The following TAFA1 variants were observed in gnomAD, a reference collection of about 807,000 sequenced individuals.
TAFA1 encodes the protein TAFA chemokine like family member 1, also known as chemokine-like protein TAFA-1.
TAFA1 carries 4 observed loss-of-function variants against 18.5 expected under a neutral mutation model. That is an observed-to-expected ratio of 0.22 (90% confidence interval 0.11 to 0.49). TAFA1 has a LOEUF of 0.49. Among genes scored for constraint, TAFA1 ranks in the 20% least tolerant of loss-of-function variants. The pLI is 0.98. For missense variants in TAFA1, 147 were observed against 169.0 expected (o/e 0.87, Z 0.72); for synonymous variants, 56 against 55.2 (o/e 1.01, Z -0.06).
chr3:68,420,674 T>C (rs541306057), intron 3 of TAFA1, among the ~76,000 whole-genome samples: 1 of 152,280 alleles, frequency 6.6e-6, no homozygotes, highest in South Asian at 2.1e-4. Context: ...CTGCTACTGA[T>C]ACCTAGTGGG....
intron 2 of TAFA1, among the ~76,000 whole-genome samples, chr3:68,369,626 A>G (rs982229935): frequency 6.6e-6 from 1 of 152,158 alleles, no homozygotes; most frequent in African/African-American, 2.4e-5. Flanking sequence ...CCCTTAGCCA[A>G]TTCCATTTTA....
intron 2 of TAFA1, among the ~76,000 whole-genome samples, chr3:68,123,670 C>T (rs2065427995): frequency 6.6e-6 from 1 of 151,976 alleles, no homozygotes; most frequent in Admixed American, 6.6e-5. Flanking sequence ...TCTAAAGTTG[C>T]CTTTAGTAAC....
In TAFA1 at chr3:68,219,005, C is replaced by CTT. The variant is rs11318088; in HGVS notation, c.119-198264_119-198263dup. Among the ~76,000 whole-genome samples, 55 of 148,008 alleles carry CTT rather than the reference C, an allele frequency of 3.7e-4. 1 individual carries two copies. Among genetic ancestry groups the CTT allele is most frequent in the East Asian group, 1.4e-3 (7 of 5,046 alleles). ...TAGTACTACTCAATTCCTAAGCATT[C>CTT]TTTTTTTTTTTTGAAATTATTTTAA... On this transcript the variant is annotated intron_variant, in intron 2 of 4. Transcript: ENST00000478136.
chr3:68,219,073 A>G (rs990824885), intron 2 of TAFA1, among the ~76,000 whole-genome samples: 2 of 152,080 alleles, frequency 1.3e-5, no homozygotes, highest in African/African-American at 4.8e-5. Context: ...ACCATTAGAA[A>G]TCCTCTTCAT....
chr3:68,038,099 TGA>T (rs1280408410), intron 2 of TAFA1, among the ~76,000 whole-genome samples: 2,091 of 152,316 alleles, frequency 0.014, 63 homozygotes, highest in African/African-American at 0.048. Flanking sequence ...AGGGCGATGC[TGA>T]ATTTTGTCTA....
intron 2 of TAFA1, among the ~76,000 whole-genome samples, chr3:68,061,271 A>G (rs772475540): frequency 3.9e-5 from 6 of 152,196 alleles, no homozygotes; most frequent in Non-Finnish European, 8.8e-5. Flanking sequence ...TTGTGTTTTC[A>G]TCTTGATTAT....
intron 2 of TAFA1, among the ~76,000 whole-genome samples, chr3:68,238,019 G>A (rs1047219717): frequency 1.3e-5 from 2 of 151,582 alleles, no homozygotes; most frequent in African/African-American, 4.9e-5. Flanking sequence ...CCATGAAGGC[G>A]AAGGCCAGGG....
intron 2 of TAFA1, among the ~76,000 whole-genome samples, chr3:68,090,873 A>C (rs956920156): frequency 1.3e-5 from 2 of 152,166 alleles, no homozygotes; most frequent in Non-Finnish European, 2.9e-5. Flanking sequence ...GCTTCTTTGA[A>C]TCCAAATCTG....
chr3:68,171,034 A>G (rs763990776), intron 2 of TAFA1, among the ~76,000 whole-genome samples: 1 of 152,224 alleles, frequency 6.6e-6, no homozygotes, highest in Non-Finnish European at 1.5e-5. Context: ...AAAGATGCCC[A>G]TGTGTTAATC....
chr3:68,287,911 G>C lies in TAFA1; in HGVS notation c.119-129369G>C, dbSNP rs1055148868. On this transcript the variant is annotated intron_variant, in intron 2 of 4. Coordinates refer to ENST00000478136, the MANE Select transcript of TAFA1 (RefSeq NM_213609.4). Reference sequence around the variant, plus strand: ...GATTTTGCTTTTTGTTTTTGTTGGGGGGTGGGGGGGCTTTTTGAAAATTTT... The same window carrying C: ...GATTTTGCTTTTTGTTTTTGTTGGGCGGTGGGGGGGCTTTTTGAAAATTTT... 6.8e-4 allele frequency among the ~76,000 whole-genome samples: 90 copies of C among 132,912 alleles called. 6 individuals are homozygous for C. Among genetic ancestry groups the C allele is most frequent in the Admixed American group, 1.0e-3 (13 of 13,040 alleles). The allele number at this position is 132,912 out of a possible 152,430, so 87.2% of individuals were successfully genotyped here.
chr3:68,103,812 T>A (rs1347205242), intron 2 of TAFA1, among the ~76,000 whole-genome samples: 1 of 152,178 alleles, frequency 6.6e-6, no homozygotes, highest in East Asian at 1.9e-4. Flanking sequence ...TCAGTTCTCA[T>A]TGAACCTATG....
intron 2 of TAFA1, among the ~76,000 whole-genome samples, chr3:68,305,525 T>A (rs1416501969): frequency 6.9e-6 from 1 of 144,736 alleles, no homozygotes; most frequent in Non-Finnish European, 1.5e-5. Context: ...AGGCTTAGGG[T>A]AAGGGAGAAT....
intron 2 of TAFA1, among the ~76,000 whole-genome samples, chr3:68,223,450 T>A (rs1673257715): frequency 6.6e-6 from 1 of 152,178 alleles, no homozygotes; most frequent in Admixed American, 6.5e-5. Context: ...CTTAAAACAA[T>A]TTCTAATTTT....
intron 3 of TAFA1, among the ~76,000 whole-genome samples, chr3:68,521,486 G>A (rs908044132): frequency 3.0e-4 from 46 of 152,084 alleles, no homozygotes; most frequent in African/African-American, 5.8e-4. Flanking sequence ...CTCACGAAGC[G>A]TACAGCTTAG....
At chr3:68,001,410 A>G (rs1259889377), upstream of TAFA1, among the ~76,000 whole-genome samples, 2 of 152,136 alleles carry the variant, frequency 1.3e-5, no homozygotes, top group Admixed American at 6.6e-5. Flanking sequence ...TTTTTCTTAC[A>G]GTTACTGAAA....
At chr3:68,349,936 G>A (rs934776475) in intron 2 of TAFA1, among the ~76,000 whole-genome samples, 8 of 152,024 alleles carry the variant, frequency 5.3e-5, no homozygotes, top group African/African-American at 1.2e-4. Flanking sequence ...AGAACTTTAT[G>A]GTTTGCCACA....
At chr3:68,474,794 T>C (rs2072060699) in intron 3 of TAFA1, among the ~76,000 whole-genome samples, 1 of 152,172 alleles carries the variant, frequency 6.6e-6, no homozygotes, top group African/African-American at 2.4e-5. Flanking sequence ...CACTAATATA[T>C]GGTTTCTAGT....
intron 3 of TAFA1, among the ~76,000 whole-genome samples, chr3:68,530,576 A>C (rs184562697): frequency 6.6e-6 from 1 of 152,310 alleles, no homozygotes; most frequent in Admixed American, 6.6e-5. Flanking sequence ...ATCTTCTTTC[A>C]TAATCACTTC....
At chr3:68,499,418 T>C (rs1172776418) in intron 3 of TAFA1, among the ~76,000 whole-genome samples, 1 of 149,136 alleles carries the variant, frequency 6.7e-6, no homozygotes, top group Non-Finnish European at 1.5e-5. Context: ...AGCTTGCTTC[T>C]TTGTTTTCTT....
Sources: gnomAD v4.1 joint callset for allele counts (sites outside exome capture counted in the v4.1 genomes callset) on GRCh38, gnomAD v4.1.1 for gene constraint, MANE v1.5 for transcripts, NCBI Gene and HGNC (gene_info 2026-07-23, HGNC 2026-07-21) for gene names.